Variants in PPARGC1A observed in about 807,000 individuals in gnomAD.
PPARGC1A encodes the protein PPARG coactivator 1 alpha.
PPARGC1A carries 25 observed loss-of-function variants against 88.7 expected under a neutral mutation model. The observed-to-expected ratio is 0.28, with a 90% CI of 0.21 to 0.39. PPARGC1A has a LOEUF of 0.39. PPARGC1A is among the 10% of genes least tolerant of loss of function. The pLI is 1.00. For synonymous variants in PPARGC1A, 363 were observed against 355.6 expected (o/e 1.02, Z -0.24); for missense variants, 880 against 968.7 (o/e 0.91, Z 1.22).
At chr4:24,242,929 C>T in the PPARGC1A span, among the ~76,000 whole-genome samples, 4 of 152,110 alleles carry the variant, frequency 2.6e-5, no homozygotes, top group South Asian at 6.2e-4. Context: ...ATTGGGGAAA[C>T]CTTTCTCCAT....
Position 23,898,653 on chromosome 4 carries a change from T to C in PPARGC1A, n.52+614A>G, listed in dbSNP as rs1388544123. ...AAACTAACATAGCAAATCTTGATTC[T>C]GTGCTTGTGAGACAATCTGCAAAAA... On this transcript the variant is annotated intron_variant and non_coding_transcript_variant, in intron 1 of 3. Coordinates refer to the PPARGC1A transcript ENST00000507342. Among the ~76,000 whole-genome samples the C allele has an allele frequency of 2.6e-5, 4 of 152,324 alleles. No homozygotes were observed. The South Asian group carries it at 8.3e-4, about 32-fold the overall frequency.
the PPARGC1A span, among the ~76,000 whole-genome samples, chr4:24,003,799 A>G: frequency 6.8e-6 from 1 of 147,290 alleles, no homozygotes; most frequent in Admixed American, 7.0e-5. Context: ...TTTAATGAAA[A>G]GAGGTGATAG....
the PPARGC1A span, among the ~76,000 whole-genome samples, chr4:24,057,826 A>G: frequency 3.9e-5 from 6 of 152,230 alleles, no homozygotes; most frequent in Non-Finnish European, 8.8e-5. Context: ...GGTGGTGGCG[A>G]GACACAGCAC....
At chr4:24,306,822 C>T in the PPARGC1A span, among the ~76,000 whole-genome samples, 1 of 152,172 alleles carries the variant, frequency 6.6e-6, no homozygotes, top group Non-Finnish European at 1.5e-5. Flanking sequence ...GAAGGTGGAA[C>T]AGCTAAATAT....
intron 2 of PPARGC1A, among the ~76,000 whole-genome samples, chr4:23,864,700 G>A (rs1377420178): frequency 6.6e-6 from 1 of 152,186 alleles, no homozygotes; most frequent in East Asian, 1.9e-4. Flanking sequence ...ACTGGTTTCT[G>A]ATCCCTGGGA....
chr4:24,318,046 A>T, the PPARGC1A span, among the ~76,000 whole-genome samples: 1 of 152,226 alleles, frequency 6.6e-6, no homozygotes, highest in Non-Finnish European at 1.5e-5. Context: ...GCCCAGGAAT[A>T]AATAGCCAGT....
chr4:23,925,468 A>G, the PPARGC1A span, among the ~76,000 whole-genome samples: 1 of 152,264 alleles, frequency 6.6e-6, no homozygotes, highest in African/African-American at 2.4e-5. Context: ...GAGCCATCAA[A>G]GCAAACTATT....
the PPARGC1A span, among the ~76,000 whole-genome samples, chr4:24,163,614 G>A: frequency 3.3e-5 from 5 of 152,128 alleles, no homozygotes; most frequent in African/African-American, 7.2e-5. Flanking sequence ...GACTAATAGC[G>A]ATATTTTTTC....
chr4:24,467,496 C>T, the PPARGC1A span, among the ~76,000 whole-genome samples: 263 of 152,084 alleles, frequency 1.7e-3, no homozygotes, highest in African/African-American at 6.1e-3. Context: ...GGCTCATCTC[C>T]GGGGATGCCA....
upstream of PPARGC1A, among the ~76,000 whole-genome samples, chr4:23,890,483 A>G (rs915573433): frequency 1.3e-5 from 2 of 152,108 alleles, no homozygotes; most frequent in African/African-American, 2.4e-5. Context: ...AGAACTCTTT[A>G]ATTCTAAGAT....
the PPARGC1A span, among the ~76,000 whole-genome samples, chr4:24,167,320 T>A: frequency 6.6e-6 from 1 of 152,246 alleles, no homozygotes; most frequent in Non-Finnish European, 1.5e-5. Context: ...GAAGAGTTGC[T>A]TCTTCTGAAT....
the PPARGC1A span, among the ~76,000 whole-genome samples, chr4:24,130,462 T>C: frequency 1.0e-3 from 155 of 152,296 alleles, no homozygotes; most frequent in Non-Finnish European, 1.7e-3. Context: ...CATTGCCTCA[T>C]CTGAGCCTTA....
upstream of PPARGC1A, among the ~76,000 whole-genome samples, chr4:23,906,202 CTT>C (rs1490413000): frequency 6.6e-6 from 1 of 152,192 alleles, no homozygotes; most frequent in Non-Finnish European, 1.5e-5. Flanking sequence ...AGAAGAAACA[CTT>C]ATTATAATGC....
chr4:23,811,889 C>CTTTTTTTTTTTTTTTTTT (rs71196134), intron 10 of PPARGC1A, among the ~76,000 whole-genome samples: 1 of 59,040 alleles, frequency 1.7e-5, no homozygotes, highest in African/African-American at 6.7e-5. Flanking sequence ...GAAGAAATGA[C>CTTTTTTTTTTTTTTTTTT]TTTTTTTTTT....
chr4:24,015,355 C>A, the PPARGC1A span, among the ~76,000 whole-genome samples: 2 of 152,032 alleles, frequency 1.3e-5, no homozygotes, highest in African/African-American at 4.8e-5. Context: ...GCTGGGGTAC[C>A]AATGAATACG....
the PPARGC1A span, among the ~76,000 whole-genome samples, chr4:24,415,690 T>C: frequency 6.6e-6 from 1 of 152,224 alleles, no homozygotes; most frequent in African/African-American, 2.4e-5. Flanking sequence ...ATATAAAGTT[T>C]GTTTTGCTTG....
chr4:24,136,106 A>G, the PPARGC1A span, among the ~76,000 whole-genome samples: 1 of 152,188 alleles, frequency 6.6e-6, no homozygotes, highest in South Asian at 2.1e-4. Flanking sequence ...TGCCCTGATC[A>G]TTTTAATGAG....
the PPARGC1A span, among the ~76,000 whole-genome samples, chr4:24,347,669 T>C: frequency 6.6e-6 from 1 of 152,322 alleles, no homozygotes; most frequent in East Asian, 1.9e-4. Context: ...GTGATTCTCC[T>C]GAAGACAGCA....
the PPARGC1A span, among the ~76,000 whole-genome samples, chr4:24,071,449 A>G: frequency 6.6e-6 from 1 of 152,042 alleles, no homozygotes; most frequent in Admixed American, 6.6e-5. Context: ...ATATTATGCC[A>G]TTCCTTTTAT....
Sources: allele counts gnomAD v4.1 joint callset (sites outside exome capture counted in the v4.1 genomes callset), GRCh38; gene constraint gnomAD v4.1.1; transcripts MANE v1.5; gene names NCBI Gene and HGNC (gene_info 2026-07-23, HGNC 2026-07-21).